The following PDGFB variants were observed in gnomAD, a reference collection of about 807,000 sequenced individuals.
The protein encoded by PDGFB is platelet derived growth factor subunit B, also known as platelet-derived growth factor subunit B.
A neutral mutation model predicts 29.0 loss-of-function variants in PDGFB; 6 were observed. The ratio of observed to expected loss-of-function variants is 0.21; its 90% confidence interval spans 0.11 to 0.41. The LOEUF (loss-of-function observed/expected upper bound fraction) is 0.41. Ranked by LOEUF, PDGFB falls within the 10% of genes least tolerant of loss-of-function variation. The probability of loss-of-function intolerance (pLI) is 1.00; values close to 1 mark genes in which losing one functional copy is unlikely to be tolerated. For missense variants in PDGFB, 299 were observed against 341.8 expected, an observed-to-expected ratio of 0.87 and a Z score of 0.99; for synonymous variants, 144 against 140.8, an observed-to-expected ratio of 1.02 and a Z score of -0.16.
chr22:39,235,844 T>C lies in PDGFB; in HGVS notation c.94A>G (p.Met32Val). The C allele has an allele frequency of 6.2e-7, 1 of 1,613,886 alleles. No homozygotes were observed. Among genetic ancestry groups the C allele is most frequent in the Non-Finnish European group, 8.5e-7 (1 of 1,179,982 alleles). ...GAGCGGATCGAGTGGTCACTCAGCA[T>C]CTCATAAAGCTCCTCGGGAATGGGG... is the stretch of plus-strand genomic sequence containing the variant. ...GDPIPEELYEMLSDHSIRSFD... is the reference protein window; with the variant it reads ...GDPIPEELYEVLSDHSIRSFD... Residue 32 changes from methionine to valine, a missense_variant, in exon 2 of 7, where the codon ATG (methionine) becomes GTG (valine). Met to Val is a conservative substitution (Grantham distance 21). Transcript: ENST00000331163.
rs1338852608 is a variant in PDGFB at position 39,242,830 on chromosome 22, G to C, written c.63+1071C>G. 4 of 231,812 alleles carry C rather than the reference G, an allele frequency of 1.7e-5. No homozygotes were observed. The highest frequency in any genetic ancestry group is 2.6e-5 in the Non-Finnish European group (3 of 117,134). The allele number at this position is 231,812 out of a possible 1,614,324, so 14.4% of individuals were successfully genotyped here. A position where few individuals can be genotyped will look rare whatever the true frequency, so the allele number is the denominator to read the frequency against. On this transcript the variant is annotated intron_variant, in intron 1 of 6. Coordinates refer to ENST00000331163, the MANE Select transcript of PDGFB (RefSeq NM_002608.4). This position sits in a 1 kb window ranked among gnomAD's most constrained non-coding sequence, Gnocchi z 5.7. The stretch of plus-strand genomic sequence containing the variant: ...GAGGTGCGGACTCCCGGCCGCAGCC[G>C]GGCGGAGGTGGGACGGTACCCAGTC...
chr22:39,233,497 T>C lies in PDGFB; in HGVS notation c.188A>G (p.Asn63Ser), dbSNP rs766001837. 3 of 1,594,880 alleles carry C rather than the reference T, an allele frequency of 1.9e-6. No homozygotes were observed. Among genetic ancestry groups the C allele is most frequent in the Non-Finnish European group, 2.6e-6 (3 of 1,171,788 alleles). The change falls in exon 3 of 7, where the codon AAC (asparagine) becomes AGC (serine). Residue 63 changes from asparagine to serine, a missense_variant. By Grantham distance (46) the Asn-to-Ser change is conservative. Coordinates refer to ENST00000331163, the MANE Select transcript of PDGFB (RefSeq NM_002608.4). ...GEEDGAELDLNMTRSHSGGEL... is the reference protein window; with the variant it reads ...GEEDGAELDLSMTRSHSGGEL... ...GCCTCCAGAGTGGGAGCGGGTCATG[T>C]TCAGGTCCAACTCGGCCCCATCTTC... is the stretch of plus-strand genomic sequence containing the variant.
At chr22:39,228,427 A>G (rs1932217417) in intron 5 of PDGFB, among the ~76,000 whole-genome samples, 1 of 151,804 alleles carries the variant, frequency 6.6e-6, no homozygotes, top group Non-Finnish European at 1.5e-5. Context: ...CATCTCTACA[A>G]AAACTTAAAA....
chr22:39,226,333 C>T (rs996034841), intron 5 of PDGFB, among the ~76,000 whole-genome samples: 2 of 152,182 alleles, frequency 1.3e-5, no homozygotes, highest in Non-Finnish European at 2.9e-5. Context: ...TGGCAGTTCT[C>T]ACCTTCATGC....
chr22:39,237,191 GCT>G (rs1265089537), intron 1 of PDGFB, among the ~76,000 whole-genome samples: 1 of 151,604 alleles, frequency 6.6e-6, no homozygotes, highest in Non-Finnish European at 1.5e-5. Context: ...CTCCCCGAAA[GCT>G]CTGTTTCCTC....
At position 39,243,807 on chromosome 22, in the gene PDGFB, T is replaced by C. The variant is rs1932627686; in HGVS notation, c.63+94A>G. ...GCGTCAGGCTCGCGGGCTGCAAGGG[T>C]CCAAAGTTCACTGCAGGGAGAGGAG... On this transcript the variant is annotated intron_variant, in intron 1 of 6. Coordinates refer to ENST00000331163, the MANE Select transcript of PDGFB (RefSeq NM_002608.4). This position sits in a 1 kb window ranked among gnomAD's most constrained non-coding sequence, Gnocchi z 6.4. The C allele has an allele frequency of 1.9e-6, 2 of 1,041,528 alleles. No individual in the cohort carries two copies. Among genetic ancestry groups the C allele is most frequent in the African/African-American group, 1.6e-5 (1 of 60,948 alleles). The allele number at this position is 1,041,528 out of a possible 1,614,324, so 64.5% of individuals were successfully genotyped here.
At chr22:39,228,893 A>AAAAAAAAATATATATATATAT (rs1184799325) in intron 5 of PDGFB, among the ~76,000 whole-genome samples, 20 of 132,610 alleles carry the variant, frequency 1.5e-4, no homozygotes, top group Non-Finnish European at 2.8e-4. Flanking sequence ...CCTCAAAAAA[A>AAAAAAAAATATATATATATAT]ATATATATAT....
chr22:39,240,519 A>G (rs1269599574), intron 1 of PDGFB, among the ~76,000 whole-genome samples: 1 of 152,068 alleles, frequency 6.6e-6, no homozygotes, highest in East Asian at 1.9e-4. Flanking sequence ...GGGCTTTGAA[A>G]GACTGATGCC....
At chr22:39,238,868 G>A (rs766426724) in intron 1 of PDGFB, among the ~76,000 whole-genome samples, 6 of 152,266 alleles carry the variant, frequency 3.9e-5, no homozygotes, top group Non-Finnish European at 8.8e-5. Context: ...CTTGGGGTGT[G>A]CACTGCATCT....
At chr22:39,238,120 C>T (rs1932488443) in intron 1 of PDGFB, among the ~76,000 whole-genome samples, 1 of 152,190 alleles carries the variant, frequency 6.6e-6, no homozygotes, top group Non-Finnish European at 1.5e-5. Context: ...GTGGACACCC[C>T]AGATCCAGGC....
At chr22:39,230,286 A>G in intron 4 of PDGFB, 58 bp from the exon 5 acceptor site, 2 of 1,584,840 alleles carry the variant, frequency 1.3e-6, no homozygotes, top group East Asian at 4.5e-5. Flanking sequence ...GAGCCCGGGA[A>G]GCCCGAATGG....
At chr22:39,234,454 T>C (rs1420259405) in intron 2 of PDGFB, among the ~76,000 whole-genome samples, 1 of 152,140 alleles carries the variant, frequency 6.6e-6, no homozygotes, top group Admixed American at 6.5e-5. Flanking sequence ...CTAAGGGGCA[T>C]TGGGAACACG....
At chr22:39,229,639 G>A (rs137945209) in intron 5 of PDGFB, among the ~76,000 whole-genome samples, 61 of 152,338 alleles carry the variant, frequency 4.0e-4, no homozygotes, top group Non-Finnish European at 5.4e-4. Flanking sequence ...AGGGGGCTAT[G>A]GTAGCAAGAC....
rs1039780390 is a variant in PDGFB at position 39,243,196 on chromosome 22, C to A, written c.63+705G>T. On this transcript the variant is annotated intron_variant, in intron 1 of 6. Transcript: ENST00000331163. This position sits in a 1 kb window ranked among gnomAD's most constrained non-coding sequence, Gnocchi z 6.4. ...CTAGTCCTCCCCCTACCCGAGTGCCCGAAACCTACCTGCGTCTCTATCTTT... is the reference window on the plus strand; with the variant it reads ...CTAGTCCTCCCCCTACCCGAGTGCCAGAAACCTACCTGCGTCTCTATCTTT... Among the ~76,000 whole-genome samples, 14 of 152,060 alleles carry A rather than the reference C, an allele frequency of 9.2e-5. No homozygotes were observed. The highest frequency in any genetic ancestry group is 1.9e-4 in the Non-Finnish European group (13 of 67,982).
intron 5 of PDGFB, among the ~76,000 whole-genome samples, chr22:39,227,913 T>C (rs991857497): frequency 6.6e-6 from 1 of 152,200 alleles, no homozygotes; most frequent in Non-Finnish European, 1.5e-5. Context: ...GGGACTTGAA[T>C]GGGCTTCAGA....
In PDGFB at chr22:39,240,921, G is replaced by GCACACA. The variant is rs66513025; in HGVS notation, c.63+2974_63+2979dup. ...CTCTCTCTCTCTCTCTCTCAGATGCGCACACACACACACACACACACTCTC... is the reference window on the plus strand; with the variant it reads ...CTCTCTCTCTCTCTCTCTCAGATGCGCACACACACACACACACACACACACACTCTC... On this transcript the variant is annotated intron_variant, in intron 1 of 6. Transcript: ENST00000331163. The GCACACA allele has an allele frequency of 6.0e-4, 735 of 1,232,322 alleles. 3 individuals carry two copies. In the African/African-American group the frequency reaches 7.0e-3, roughly 12 times the overall value. The allele number at this position is 1,232,322 out of a possible 1,614,324, so 76.3% of individuals were successfully genotyped here. A position where few individuals can be genotyped will look rare whatever the true frequency, so the allele number is the denominator to read the frequency against.
rs978574743 is a variant in PDGFB, at chr22:39,223,793, T to G, written c.*1549A>C. 2 of 152,580 alleles carry G rather than the reference T, an allele frequency of 1.3e-5. No homozygotes were observed. The highest frequency in any genetic ancestry group is 4.8e-5 in the African/African-American group (2 of 41,444). The allele number at this position is 152,580 out of a possible 1,614,324, so 9.5% of individuals were successfully genotyped here. On this transcript the variant is annotated 3_prime_UTR_variant, in exon 7 of 7. Coordinates refer to ENST00000331163, the MANE Select transcript of PDGFB (RefSeq NM_002608.4). ...GCCCCCAAAAATATAATCACCGACT[T>G]TACAAACTGAAGGAAGCAGGTTTTG... is the stretch of plus-strand genomic sequence containing the variant.
rs139627563 is a variant in PDGFB at position 39,234,451 on chromosome 22, G to A, written c.161-927C>T. Among the ~76,000 whole-genome samples the A allele has an allele frequency of 2.6e-3, 394 of 152,290 alleles. 3 individuals carry two copies. The highest frequency in any genetic ancestry group is 4.2e-3 in the Non-Finnish European group (289 of 68,024). The stretch of plus-strand genomic sequence containing the variant: ...TGAGGAGCCACAAATAAACTAAGGG[G>A]CATTGGGAACACGCTCCTGCCACCT... On this transcript the variant is annotated intron_variant, in intron 2 of 6. Coordinates refer to ENST00000331163, the MANE Select transcript of PDGFB (RefSeq NM_002608.4).
Position 39,238,817 on chromosome 22 carries a change from G to C in PDGFB, c.64-2943C>G, listed in dbSNP as rs917815172. On this transcript the variant is annotated intron_variant, in intron 1 of 6. Coordinates refer to ENST00000331163, the MANE Select transcript of PDGFB (RefSeq NM_002608.4). ...CAACCAGGGCCCAGTGGGCCCCCAG[G>C]GGACAGTGGCAATGTATGAAGGCAT... is the stretch of plus-strand genomic sequence containing the variant. Among the ~76,000 whole-genome samples the C allele has an allele frequency of 3.0e-4, 45 of 152,278 alleles. 1 individual carries two copies. The highest frequency in any genetic ancestry group is 1.5e-5 in the Non-Finnish European group (1 of 68,054).
Sources: gnomAD v4.1 joint callset for allele counts (sites outside exome capture counted in the v4.1 genomes callset) on GRCh38, gnomAD v4.1.1 for gene constraint, Gnocchi (gnomAD v3.1) non-coding constraint, MANE v1.5 for transcripts, NCBI Gene and HGNC (gene_info 2026-07-23, HGNC 2026-07-21) for gene names.